Variants in TPTE observed in about 807,000 individuals in gnomAD.
TPTE encodes transmembrane phosphatase with tensin homology, also known as putative tyrosine-protein phosphatase TPTE.
A neutral mutation model predicts 84.1 loss-of-function variants in TPTE; 59 were observed. The observed-to-expected ratio is 0.70, with a 90% CI of 0.57 to 0.87. TPTE has a LOEUF of 0.87. Among genes scored for constraint, TPTE ranks in the 40% least tolerant of loss-of-function variants. The pLI is 0.00. For missense variants in TPTE, 382 were observed against 659.6 expected (o/e 0.58, Z 4.61); for synonymous variants, 130 against 223.5 (o/e 0.58, Z 3.73).
intron 8 of TPTE, among the ~76,000 whole-genome samples, chr21:10,555,216 C>CT (rs1212404346): frequency 1.3e-3 from 193 of 151,714 alleles, no homozygotes; most frequent in African/African-American, 2.9e-3. Flanking sequence ...TTTTTTCTCT[C>CT]TTTTTTTTTT....
At chr21:10,588,542 C>T (rs1244420179) in intron 17 of TPTE, among the ~76,000 whole-genome samples, 1 of 152,312 alleles carries the variant, frequency 6.6e-6, no homozygotes, top group Non-Finnish European at 1.5e-5. Context: ...CTTTATTGTA[C>T]TTAGATGTCT....
intron 11 of TPTE, among the ~76,000 whole-genome samples, chr21:10,569,092 C>T (rs2074986000): frequency 6.6e-6 from 1 of 152,312 alleles, no homozygotes; most frequent in African/African-American, 2.4e-5. Context: ...TCTATTGTAT[C>T]ACTATTTCTC....
intron 17 of TPTE, among the ~76,000 whole-genome samples, chr21:10,579,187 G>T (rs528303570): frequency 1.3e-5 from 2 of 152,410 alleles, no homozygotes; most frequent in East Asian, 3.9e-4. Flanking sequence ...TAAATTTCCT[G>T]AACTTATTCT....
At chr21:10,563,477 A>G (rs1307080074) in intron 10 of TPTE, among the ~76,000 whole-genome samples, 3 of 149,966 alleles carry the variant, frequency 2.0e-5, no homozygotes, top group Non-Finnish European at 4.5e-5. Flanking sequence ...ATAATAAGAT[A>G]TAAATAGAAA....
chr21:10,564,518 TA>T (rs1399142580), intron 10 of TPTE, among the ~76,000 whole-genome samples: 5 of 152,294 alleles, frequency 3.3e-5, no homozygotes, highest in African/African-American at 1.2e-4. Flanking sequence ...TCAAAAAGAA[TA>T]AAAATAAAAA....
At chr21:10,591,792 G>A (rs539644182) in intron 18 of TPTE, among the ~76,000 whole-genome samples, 3 of 152,430 alleles carry the variant, frequency 2.0e-5, no homozygotes, top group African/African-American at 4.8e-5. Flanking sequence ...GGTGTTTCTA[G>A]CTCTAAAATT....
At chr21:10,594,748 T>C (rs1415441652) in intron 19 of TPTE, among the ~76,000 whole-genome samples, 1 of 152,310 alleles carries the variant, frequency 6.6e-6, no homozygotes, top group Non-Finnish European at 1.5e-5. Flanking sequence ...ACTGAATCTC[T>C]TCTGATTCAC....
At chr21:10,528,713 T>A (rs189577409) in intron 3 of TPTE, among the ~76,000 whole-genome samples, 735 of 152,140 alleles carry the variant, frequency 4.8e-3, no homozygotes, top group South Asian at 0.012. Flanking sequence ...AATATTTTTT[T>A]ATATTTTGAA....
chr21:10,563,903 C>T (rs2074859902), intron 10 of TPTE, among the ~76,000 whole-genome samples: 1 of 152,304 alleles, frequency 6.6e-6, no homozygotes, highest in Admixed American at 6.5e-5. Context: ...CGCCTGTAAT[C>T]CCAGCAGTTT....
intron 10 of TPTE, among the ~76,000 whole-genome samples, chr21:10,562,571 ATAATT>A (rs1246115289): frequency 6.6e-6 from 1 of 152,312 alleles, no homozygotes; most frequent in Non-Finnish European, 1.5e-5. Context: ...AGAGATTGAA[ATAATT>A]TAAAAGAATC....
chr21:10,547,856 C>T (rs1216761426), intron 7 of TPTE, among the ~76,000 whole-genome samples: 3 of 152,306 alleles, frequency 2.0e-5, no homozygotes, highest in African/African-American at 7.2e-5. Flanking sequence ...GAATAATCTG[C>T]AGTCCCATCC....
intron 11 of TPTE, among the ~76,000 whole-genome samples, chr21:10,568,620 G>T (rs577308054): frequency 1.3e-5 from 2 of 152,430 alleles, no homozygotes; most frequent in East Asian, 3.8e-4. Flanking sequence ...CTAAAAGCAT[G>T]TTAAGTGATA....
intron 3 of TPTE, among the ~76,000 whole-genome samples, chr21:10,536,354 T>A (rs1414269544): frequency 6.6e-6 from 1 of 152,310 alleles, no homozygotes; most frequent in African/African-American, 2.4e-5. Context: ...CATTGTAGAG[T>A]AACTGTAGCT....
intron 7 of TPTE, among the ~76,000 whole-genome samples, chr21:10,552,412 GAGAC>G (rs1231327683): frequency 1.0e-4 from 16 of 152,408 alleles, no homozygotes; most frequent in East Asian, 1.9e-4. Context: ...TATATAGAAA[GAGAC>G]AGAGAGAGAA....
intron 1 of TPTE, among the ~76,000 whole-genome samples, chr21:10,523,426 ATC>A (rs1159151603): frequency 1.3e-5 from 2 of 151,534 alleles, no homozygotes; most frequent in African/African-American, 4.8e-5. Flanking sequence ...CATTTGGTAT[ATC>A]TCCCAATGCT....
chr21:10,562,297 C>G (rs1400755002), intron 10 of TPTE, among the ~76,000 whole-genome samples: 13 of 151,768 alleles, frequency 8.6e-5, no homozygotes, highest in Admixed American at 8.5e-4. Flanking sequence ...GTGAAAACTA[C>G]AATAAATACA....
At chr21:10,573,706 T>C (rs1275148914) in intron 14 of TPTE, among the ~76,000 whole-genome samples, 6 of 152,304 alleles carry the variant, frequency 3.9e-5, no homozygotes, top group Non-Finnish European at 5.9e-5. Flanking sequence ...GTATTATGTG[T>C]CAATTAAAAA....
chr21:10,559,736 T>TAATG (rs1223873138), intron 9 of TPTE, among the ~76,000 whole-genome samples, 192 bp downstream of exon 9: 3 of 152,300 alleles, frequency 2.0e-5, no homozygotes, highest in Non-Finnish European at 2.9e-5. Flanking sequence ...TAGCCAAGCA[T>TAATG]AATGGTGGGT....
At chr21:10,604,931 G>C (rs1459665524) in intron 23 of TPTE, among the ~76,000 whole-genome samples, 1 of 152,302 alleles carries the variant, frequency 6.6e-6, no homozygotes, top group Non-Finnish European at 1.5e-5. Flanking sequence ...GAGAACACGA[G>C]GCATAAATGG....
Sources: allele counts gnomAD v4.1 joint callset (sites outside exome capture counted in the v4.1 genomes callset), GRCh38; gene constraint gnomAD v4.1.1; transcripts MANE v1.5; gene names NCBI Gene and HGNC (gene_info 2026-07-23, HGNC 2026-07-21).